Variants in STK38L observed in about 807,000 individuals in gnomAD.
STK38L encodes the protein serine/threonine-protein kinase 38-like.
A neutral mutation model predicts 59.7 loss-of-function variants in STK38L; 28 were observed. The ratio of observed to expected loss-of-function variants is 0.47; its 90% CI spans 0.35 to 0.64. The LOEUF is 0.64. STK38L is among the 30% of genes least tolerant of loss of function. The probability of loss-of-function intolerance (pLI) is 0.01; values close to 1 mark genes in which losing one functional copy is unlikely to be tolerated. For synonymous variants in STK38L, 162 were observed against 176.8 expected, an observed-to-expected ratio of 0.92 and a Z score of 0.66; for missense variants, 314 against 555.8, an observed-to-expected ratio of 0.56 and a Z score of 4.37.
chr12:27,273,585 ATTAT>A (rs1943469791), intron 1 of STK38L, among the ~76,000 whole-genome samples: 1 of 152,228 alleles, frequency 6.6e-6, no homozygotes, highest in Non-Finnish European at 1.5e-5. Flanking sequence ...TTAATTATGA[ATTAT>A]TTATTTTTAT....
At chr12:27,271,535 G>C (rs2068635) in intron 1 of STK38L, among the ~76,000 whole-genome samples, 10,846 of 152,206 alleles carry the variant, frequency 0.071, 434 homozygotes, top group African/African-American at 0.11. Flanking sequence ...GCAGATGTTT[G>C]GGGGGTAGTT....
intron 3 of STK38L, among the ~76,000 whole-genome samples, chr12:27,305,905 G>A (rs1193219604): frequency 1.3e-5 from 2 of 152,158 alleles, no homozygotes; most frequent in Non-Finnish European, 2.9e-5. Flanking sequence ...ATTACCACAA[G>A]GATACTGTTT....
intron 1 of STK38L, among the ~76,000 whole-genome samples, chr12:27,248,893 G>A (rs1012421478): frequency 6.6e-6 from 1 of 152,172 alleles, no homozygotes; most frequent in Admixed American, 6.5e-5. Context: ...AATAGTGATG[G>A]TATATCATTT....
intron 1 of STK38L, among the ~76,000 whole-genome samples, chr12:27,290,198 TAAG>T (rs1485895911): frequency 6.6e-6 from 1 of 152,234 alleles, no homozygotes; most frequent in East Asian, 1.9e-4. Flanking sequence ...ATTATCATAA[TAAG>T]CATGCACACA....
At chr12:27,267,028 T>C (rs1943315182) in intron 1 of STK38L, among the ~76,000 whole-genome samples, 1 of 152,224 alleles carries the variant, frequency 6.6e-6, no homozygotes, top group African/African-American at 2.4e-5. Context: ...TAAATTTTAG[T>C]TTGACTCAAT....
At chr12:27,298,059 T>C in intron 2 of STK38L, 1 of 550,000 alleles carries the variant, frequency 1.8e-6, no homozygotes, top group Admixed American at 3.3e-5. Context: ...TGTGCATCTA[T>C]ATACCCGTAT....
At position 27,308,486 on chromosome 12, in the gene STK38L, A is replaced by G; in HGVS notation, c.309+25A>G. ...GGTGTGCTTCTTTTTAAAAGTCACT[A>G]CTGCTGCAAATATATATCTTAAGAT... On this transcript the variant is annotated intron_variant, in intron 4 of 13. Transcript: ENST00000389032. This position sits in a 1 kb window ranked among gnomAD's most constrained non-coding sequence, Gnocchi z 4.5. 7 of 1,540,554 alleles carry G rather than the reference A, an allele frequency of 4.5e-6. No individual in the cohort carries two copies. Among genetic ancestry groups the G allele is most frequent in the Non-Finnish European group, 6.1e-6 (7 of 1,146,970 alleles).
chr12:27,285,571 T>C (rs1285757329), intron 1 of STK38L, among the ~76,000 whole-genome samples: 2 of 152,162 alleles, frequency 1.3e-5, no homozygotes, highest in Non-Finnish European at 2.9e-5. Context: ...GTGTTCAGGC[T>C]GCTTCCCAAG....
chr12:27,317,245 C>A, intron 9 of STK38L, 91 bp from the exon 10 acceptor site: 1 of 862,820 alleles, frequency 1.2e-6, no homozygotes, highest in Non-Finnish European at 1.8e-6. Context: ...TTTAACTCCT[C>A]TATATATTGC....
chr12:27,278,771 C>T (rs1323920568), intron 1 of STK38L, among the ~76,000 whole-genome samples: 2 of 152,010 alleles, frequency 1.3e-5, no homozygotes, highest in East Asian at 3.9e-4. Flanking sequence ...GATACTTGTC[C>T]CCTAGCTGAC....
intron 1 of STK38L, among the ~76,000 whole-genome samples, chr12:27,276,489 C>G (rs539342140): frequency 1.2e-4 from 19 of 152,190 alleles, no homozygotes; most frequent in Admixed American, 2.0e-4. Flanking sequence ...CTAGAAATCC[C>G]TTTGTTCACA....
At position 27,308,149 on chromosome 12, in the gene STK38L, C is replaced by G. The variant is rs1944360554; in HGVS notation, c.187-190C>G. Among the ~76,000 whole-genome samples the G allele has an allele frequency of 6.6e-6, 1 of 151,340 alleles. No homozygotes were observed. The highest frequency in any genetic ancestry group is 1.5e-5 in the Non-Finnish European group (1 of 67,898). On this transcript the variant is annotated intron_variant, in intron 3 of 13. Transcript: ENST00000389032. This position sits in a 1 kb window ranked among gnomAD's most constrained non-coding sequence, Gnocchi z 4.5. ...GACTGAATTACATATTTAATGGAGT[C>G]CACCTCAAAAGTAAAGATTTATCAG...
intron 1 of STK38L, among the ~76,000 whole-genome samples, chr12:27,278,954 G>A (rs1171885283): frequency 6.6e-6 from 1 of 152,132 alleles, no homozygotes. Context: ...ATATGAAAAA[G>A]TATAATAATT....
chr12:27,282,199 G>A (rs978915478), intron 1 of STK38L, among the ~76,000 whole-genome samples: 13 of 152,240 alleles, frequency 8.5e-5, no homozygotes, highest in Admixed American at 7.9e-4. Context: ...TCAGGTGACA[G>A]TAGTTTTGAT....
chr12:27,268,452 C>T (rs901358584), intron 1 of STK38L, among the ~76,000 whole-genome samples: 11 of 152,194 alleles, frequency 7.2e-5, no homozygotes, highest in African/African-American at 2.7e-4. Context: ...ATGAACTCAT[C>T]ATTTTTTATG....
chr12:27,252,417 T>C (rs1942995974), intron 1 of STK38L, among the ~76,000 whole-genome samples: 1 of 135,138 alleles, frequency 7.4e-6, no homozygotes, highest in Admixed American at 8.8e-5. Flanking sequence ...CATACTATCT[T>C]GTACTAGTGT....
chr12:27,309,455 T>A (rs1944406736), intron 5 of STK38L, among the ~76,000 whole-genome samples: 1 of 152,198 alleles, frequency 6.6e-6, no homozygotes, highest in Non-Finnish European at 1.5e-5. Context: ...TTCTCATAGT[T>A]CTGGAGGCTA....
intron 2 of STK38L, among the ~76,000 whole-genome samples, chr12:27,299,430 A>C (rs17497031): frequency 0.029 from 4,474 of 152,280 alleles, 91 homozygotes; most frequent in South Asian, 0.094. Flanking sequence ...ACAAACAAAA[A>C]AAGAGTTAGC....
intron 1 of STK38L, among the ~76,000 whole-genome samples, chr12:27,279,469 A>C (rs1943605659): frequency 6.6e-6 from 1 of 152,064 alleles, no homozygotes. Flanking sequence ...TCACGCCTGT[A>C]ATCCCACCAC....
Sources: allele counts gnomAD v4.1 joint callset (sites outside exome capture counted in the v4.1 genomes callset), GRCh38; gene constraint gnomAD v4.1.1; non-coding constraint Gnocchi (gnomAD v3.1); transcripts MANE v1.5; gene names NCBI Gene and HGNC (gene_info 2026-07-23, HGNC 2026-07-21).